The following CENPM variants were observed in gnomAD, a reference collection of about 807,000 sequenced individuals.
CENPM encodes the protein centromere protein M.
Under a neutral mutation model 19.6 loss-of-function variants are expected in CENPM, and 14 were observed. That is an observed-to-expected ratio of 0.71 (90% CI 0.47 to 1.11). CENPM has a LOEUF of 1.11. CENPM is among the 50% of genes most tolerant of loss of function. CENPM has a pLI of 0.00. For synonymous variants in CENPM, 114 were observed against 101.5 expected (o/e 1.12, Z -0.74); for missense variants, 239 against 228.4 (o/e 1.05, Z -0.30).
In CENPM at chr22:41,943,634, G is replaced by A. The variant is rs2077763215; in HGVS notation, c.378C>T (p.Ser126=). Residue 126 remains serine, a synonymous_variant, in exon 5 of 6, where the codon AGC becomes AGT. Coordinates refer to ENST00000215980, the MANE Select transcript of CENPM (RefSeq NM_024053.5). Reference sequence around the variant, plus strand: ...CCTCCAGGTCACAGTAGAGCAGGGGGCTTTGATAGGTGTGGGCCAGCTTCA... The same window carrying A: ...CCTCCAGGTCACAGTAGAGCAGGGGACTTTGATAGGTGTGGGCCAGCTTCA... ...TVVKLAHTYQ[S]PLLYCDLEVE... 3.7e-6 allele frequency: 6 copies of A among 1,613,894 alleles called. No individual in the cohort carries two copies. In the Middle Eastern group the frequency reaches 5.0e-4, roughly 134 times the overall value.
chr22:41,944,762 G>T (rs1302353886), intron 4 of CENPM: 2 of 985,290 alleles, frequency 2.0e-6, no homozygotes, highest in East Asian at 1.1e-4. Flanking sequence ...GAAGGCAGAG[G>T]CCAAACTGCA....
intron 5 of CENPM, chr22:41,940,335 T>G (rs1282323954): frequency 1.7e-6 from 1 of 582,002 alleles, no homozygotes; most frequent in Non-Finnish European, 3.1e-6. Flanking sequence ...GCCTCCACTT[T>G]CCAGCACGTC....
In CENPM at chr22:41,942,871, T is replaced by C. The variant is rs988986226; in HGVS notation, c.402+739A>G. On this transcript the variant is annotated intron_variant, in intron 5 of 5. Coordinates refer to ENST00000215980, the MANE Select transcript of CENPM (RefSeq NM_024053.5). ...GTTCACTTGAGCCCAGGAGCTCAAG[T>C]CTGCAGTGAGCCATGAGTACACCAC... 1.2e-3 allele frequency among the ~76,000 whole-genome samples: 182 copies of C among 151,800 alleles called. 1 individual carries two copies. Among genetic ancestry groups the C allele is most frequent in the Non-Finnish European group, 8.8e-5 (6 of 67,976 alleles).
chr22:41,927,309 G>C, the CENPM span, among the ~76,000 whole-genome samples: 1 of 152,160 alleles, frequency 6.6e-6, no homozygotes, highest in African/African-American at 2.4e-5. Context: ...GGAGGTGTCT[G>C]GGGGCAGACC....
chr22:41,942,700 G>A (rs370716508), intron 5 of CENPM, among the ~76,000 whole-genome samples: 1 of 150,556 alleles, frequency 6.6e-6, no homozygotes, highest in East Asian at 2.0e-4. Flanking sequence ...GCAGTGAGCC[G>A]AGATCGCGCC....
intron 2 of CENPM, 79 bp from the exon 3 acceptor site, chr22:41,946,084 GA>G: frequency 1.6e-6 from 2 of 1,267,780 alleles, no homozygotes; most frequent in Non-Finnish European, 2.2e-6. Flanking sequence ...CCTTCATGTG[GA>G]AAGAGGCCGT....
chr22:41,943,671 C>T lies in CENPM; in HGVS notation c.341G>A (p.Arg114Gln), dbSNP rs145909734. 918 of 1,613,696 alleles carry T rather than the reference C, an allele frequency of 5.7e-4. 1 individual carries two copies. The highest frequency in any genetic ancestry group is 7.5e-4 in the Admixed American group (45 of 59,984). Residue 114 changes from arginine to glutamine, a missense_variant, in exon 5 of 6, where the codon CGG (arginine) becomes CAG (glutamine). Transcript: ENST00000215980. Reference sequence around the variant, plus strand: ...GTGGGCCAGCTTCACCACGGTGTGCCGGTGAATGCTGCAGTGGCTCTCCCG... The same window carrying T: ...GTGGGCCAGCTTCACCACGGTGTGCTGGTGAATGCTGCAGTGGCTCTCCCG... ...AGRESHCSIH[R>Q]HTVVKLAHTY...
At chr22:41,942,578 G>A (rs980442108) in intron 5 of CENPM, among the ~76,000 whole-genome samples, 3 of 151,902 alleles carry the variant, frequency 2.0e-5, no homozygotes, top group Admixed American at 6.6e-5. Context: ...GTGAAACCCC[G>A]TCTCTACTAA....
At chr22:41,944,126 T>C (rs1206961683) in intron 4 of CENPM, 2 of 985,310 alleles carry the variant, frequency 2.0e-6, no homozygotes, top group East Asian at 2.3e-4. Flanking sequence ...AGAGGAAATG[T>C]ATTTGACAGA....
chr22:41,928,546 G>A, the CENPM span, among the ~76,000 whole-genome samples: 2 of 152,196 alleles, frequency 1.3e-5, no homozygotes, highest in Admixed American at 6.5e-5. The surrounding 1 kb of genome is among the most constrained non-coding windows in gnomAD (Gnocchi z 4.0). Flanking sequence ...TCAGGGGCTG[G>A]GGAGGGAGCC....
downstream of CENPM, among the ~76,000 whole-genome samples, chr22:41,935,926 A>T (rs1008531847): frequency 6.7e-6 from 1 of 149,098 alleles, no homozygotes; most frequent in Non-Finnish European, 1.5e-5. Flanking sequence ...GCTGGAGTGC[A>T]GTGGTGCAAT....
chr22:41,944,903 G>C, intron 4 of CENPM: 1 of 1,146,348 alleles, frequency 8.7e-7, no homozygotes, highest in South Asian at 2.2e-5. Context: ...AGATTCCAAA[G>C]TATGTGTATA....
intron 5 of CENPM, among the ~76,000 whole-genome samples, chr22:41,939,573 C>G (rs2077707077): frequency 6.6e-6 from 1 of 151,932 alleles, no homozygotes; most frequent in South Asian, 2.1e-4. Flanking sequence ...CCCAGATGCT[C>G]AAGACCAGGG....
intron 4 of CENPM, among the ~76,000 whole-genome samples, 156 bp from the exon 5 acceptor site, chr22:41,943,857 T>C (rs937038031): frequency 2.6e-5 from 4 of 152,178 alleles, no homozygotes; most frequent in Non-Finnish European, 4.4e-5. Flanking sequence ...TTCTAGGTAG[T>C]CAAGAATATC....
In CENPM at chr22:41,942,750, CAA is replaced by C. The variant is rs59088131; in HGVS notation, c.402+858_402+859del. 2.1e-3 allele frequency among the ~76,000 whole-genome samples: 259 copies of C among 123,784 alleles called. 3 individuals carry two copies. Among genetic ancestry groups the C allele is most frequent in the African/African-American group, 7.2e-3 (242 of 33,658 alleles). The allele number at this position is 123,784 out of a possible 152,430, so 81.2% of individuals were successfully genotyped here. A position where few individuals can be genotyped will look rare whatever the true frequency, so the allele number is the denominator to read the frequency against. On this transcript the variant is annotated intron_variant, in intron 5 of 5. Coordinates refer to ENST00000215980, the MANE Select transcript of CENPM (RefSeq NM_024053.5). ...TGGACAACAGAGCAAGACTCCATCT[CAA>C]AAAAAAAAAAAAAGTAAATAAATAA... is the stretch of plus-strand genomic sequence containing the variant.
At chr22:41,927,907 C>T in the CENPM span, among the ~76,000 whole-genome samples, 3 of 152,174 alleles carry the variant, frequency 2.0e-5, no homozygotes, top group African/African-American at 7.2e-5. Flanking sequence ...GGCACCAGCT[C>T]ACGTCATCCT....
downstream of CENPM, among the ~76,000 whole-genome samples, chr22:41,937,922 C>CA (rs1468063785): frequency 6.6e-6 from 1 of 152,034 alleles, no homozygotes; most frequent in Non-Finnish European, 1.5e-5. Flanking sequence ...CAGCTTACTG[C>CA]AAGCTCCGCC....
At chr22:41,936,693 C>A (rs1224966234), downstream of CENPM, among the ~76,000 whole-genome samples, 3 of 152,220 alleles carry the variant, frequency 2.0e-5, no homozygotes, top group African/African-American at 7.2e-5. Context: ...CTTTGGGAGG[C>A]CAAGGGTGGC....
At chr22:41,939,785 AG>A (rs1569425709) in intron 5 of CENPM, among the ~76,000 whole-genome samples, 97 of 125,162 alleles carry the variant, frequency 7.7e-4, no homozygotes, top group Non-Finnish European at 1.1e-3. Context: ...CAAAAAAGAA[AG>A]AAAAAGAAAG....
Sources: allele counts gnomAD v4.1 joint callset (sites outside exome capture counted in the v4.1 genomes callset), GRCh38; gene constraint gnomAD v4.1.1; non-coding constraint Gnocchi (gnomAD v3.1); transcripts MANE v1.5; gene names NCBI Gene and HGNC (gene_info 2026-07-23, HGNC 2026-07-21).